Variants in TERB1 observed in about 807,000 individuals in gnomAD.
The protein encoded by TERB1 is telomere repeats-binding bouquet formation protein 1.
A neutral mutation model predicts 92.3 loss-of-function variants in TERB1; 63 were observed. The observed-to-expected ratio is 0.68, with a 90% confidence interval of 0.56 to 0.84. TERB1 has a LOEUF of 0.84. Among genes scored for constraint, TERB1 ranks in the 40% least tolerant of loss-of-function variants. TERB1 has a pLI of 0.00. For synonymous variants in TERB1, 252 were observed against 283.9 expected, an observed-to-expected ratio of 0.89 and a Z score of 1.13; for missense variants, 709 against 843.7, an observed-to-expected ratio of 0.84 and a Z score of 1.98.
At chr16:66,780,828 T>C (rs1467936489) in intron 9 of TERB1, among the ~76,000 whole-genome samples, 1 of 152,190 alleles carries the variant, frequency 6.6e-6, no homozygotes, top group Non-Finnish European at 1.5e-5. Flanking sequence ...GGAAATAGAT[T>C]CCAATTTTTT....
rs527426629 is a variant in TERB1, at chr16:66,796,717, A to C, written c.31+51T>G. 23 of 1,284,060 alleles carry C rather than the reference A, an allele frequency of 1.8e-5. No homozygotes were observed. In the South Asian group the frequency reaches 2.1e-4, roughly 12 times the overall value. The allele number at this position is 1,284,060 out of a possible 1,614,324, so 79.5% of individuals were successfully genotyped here. A position where few individuals can be genotyped will look rare whatever the true frequency, so the allele number is the denominator to read the frequency against. On this transcript the variant is annotated intron_variant, in intron 3 of 18. Coordinates refer to ENST00000433154, the MANE Select transcript of TERB1 (RefSeq NM_001136505.2). ...GATCCTGTCAGATAATCTACAGTAC[A>C]TCCTACCAATACAAAACTCATTGCA... is the stretch of plus-strand genomic sequence containing the variant.
At chr16:66,782,255 T>C (rs899118441) in intron 9 of TERB1, among the ~76,000 whole-genome samples, 8 of 152,128 alleles carry the variant, frequency 5.3e-5, no homozygotes, top group Non-Finnish European at 1.2e-4. Context: ...TTCCTTAATC[T>C]GTAAGTCTAC....
chr16:66,794,914 A>ACACACACACACACAC (rs1316374992), intron 3 of TERB1, among the ~76,000 whole-genome samples: 1,099 of 82,792 alleles, frequency 0.013, 14 homozygotes, highest in African/African-American at 0.031. Flanking sequence ...CGTCTCAAAA[A>ACACACACACACACAC]AAAAAAAAAC....
At chr16:66,759,085 T>C in intron 17 of TERB1, 56 bp downstream of exon 17, 1 of 1,349,436 alleles carries the variant, frequency 7.4e-7, no homozygotes. Flanking sequence ...ATGCTTTAGA[T>C]AATAGTTCAG....
intron 5 of TERB1, 124 bp from the exon 6 acceptor site, chr16:66,788,421 T>G: frequency 1.4e-6 from 1 of 711,620 alleles, no homozygotes; most frequent in Non-Finnish European, 2.1e-6. Context: ...TTAATTGATA[T>G]TTATTAGTCA....
In TERB1 at chr16:66,767,453, G is replaced by A. The variant is rs201027694; in HGVS notation, c.1742C>T (p.Thr581Ile). The A allele has an allele frequency of 3.3e-5, 51 of 1,527,976 alleles. No individual in the cohort carries two copies. The highest frequency in any genetic ancestry group is 4.3e-5 in the Non-Finnish European group (49 of 1,138,140). The allele number at this position is 1,527,976 out of a possible 1,614,324, so 94.7% of individuals were successfully genotyped here. A position where few individuals can be genotyped will look rare whatever the true frequency, so the allele number is the denominator to read the frequency against. The change falls in exon 16 of 19, where the codon ACT (threonine) becomes ATT (isoleucine). Residue 581 changes from threonine (T) to isoleucine (I), a missense_variant. Transcript: ENST00000433154. Reference sequence around the variant, plus strand: ...CGTCAACATTTCGGAACAACTGGGAGTTGCTAGAAAACTGACTACTTCTTT... The same window carrying A: ...CGTCAACATTTCGGAACAACTGGGAATTGCTAGAAAACTGACTACTTCTTT... ...INKEVVSFLATPSCSEMLTYR... is the reference protein window; with the variant it reads ...INKEVVSFLAIPSCSEMLTYR...
chr16:66,801,833 C>T (rs1276298466), upstream of TERB1, among the ~76,000 whole-genome samples: 2 of 152,240 alleles, frequency 1.3e-5, no homozygotes. Flanking sequence ...GGGGACTGTG[C>T]ACGCGGTTGA....
intron 11 of TERB1, 38 bp from the exon 12 acceptor site, chr16:66,775,281 A>G (rs1171689200): frequency 1.3e-6 from 2 of 1,514,120 alleles, no homozygotes; most frequent in Non-Finnish European, 1.8e-6. Flanking sequence ...GTTTTTTATC[A>G]TAAACTATCT....
At position 66,785,910 on chromosome 16, in the gene TERB1, T is replaced by C. The variant is rs1188855178; in HGVS notation, c.578-2A>G. On this transcript the variant is annotated splice_acceptor_variant, in intron 8 of 18. Coordinates refer to ENST00000433154, the MANE Select transcript of TERB1 (RefSeq NM_001136505.2). LOFTEE classifies it high-confidence loss of function. ...AACAGCAAAACATTTGATTCTCATC[T>C]GAAAGAAGACAAAGTCAATCATGAT... The C allele has an allele frequency of 6.5e-7, 1 of 1,540,732 alleles. No homozygotes were observed. Among genetic ancestry groups the C allele is most frequent in the African/African-American group, 1.4e-5 (1 of 72,878 alleles).
intron 16 of TERB1, among the ~76,000 whole-genome samples, chr16:66,765,649 G>C (rs1040402611): frequency 1.3e-5 from 2 of 151,114 alleles, no homozygotes; most frequent in African/African-American, 4.9e-5. Flanking sequence ...GTAGAGACGG[G>C]GTTTCACCGT....
At position 66,791,034 on chromosome 16, in the gene TERB1, T is replaced by C; in HGVS notation, c.32-15A>G. The C allele has an allele frequency of 7.1e-7, 1 of 1,403,680 alleles. No individual in the cohort carries two copies. Among genetic ancestry groups the C allele is most frequent in the Non-Finnish European group, 9.7e-7 (1 of 1,030,742 alleles). The allele number at this position is 1,403,680 out of a possible 1,614,324, so 87.0% of individuals were successfully genotyped here. A position where few individuals can be genotyped will look rare whatever the true frequency, so the allele number is the denominator to read the frequency against. ...AGTCTTCATTTCTAAAGAACAAAAA[T>C]GTCATTATTTTAAACCAAAAGGTTT... On this transcript the variant is annotated splice_polypyrimidine_tract_variant and intron_variant, in intron 3 of 18. Coordinates refer to ENST00000433154, the MANE Select transcript of TERB1 (RefSeq NM_001136505.2).
intron 10 of TERB1, among the ~76,000 whole-genome samples, chr16:66,777,804 A>C (rs956804627): frequency 4.6e-5 from 7 of 152,200 alleles, no homozygotes; most frequent in Non-Finnish European, 1.0e-4. Context: ...TACTGATGCA[A>C]TGAAGCATAT....
intron 16 of TERB1, among the ~76,000 whole-genome samples, chr16:66,762,882 T>C (rs747611017): frequency 5.3e-5 from 8 of 151,650 alleles, no homozygotes; most frequent in Admixed American, 1.3e-4. Flanking sequence ...CAGGTTTCAC[T>C]ATGTAGCCCA....
rs1447926214 is a variant in TERB1, at chr16:66,788,032, C to T, written c.400+137G>A. On this transcript the variant is annotated intron_variant, in intron 6 of 18. Coordinates refer to ENST00000433154, the MANE Select transcript of TERB1 (RefSeq NM_001136505.2). ...GCCAAGATCATGCCACTGCACTCCA[C>T]CTTGGGTGTCAGAGCAAGACTCTGT... is the stretch of plus-strand genomic sequence containing the variant. The T allele has an allele frequency of 8.4e-6, 5 of 593,656 alleles. No individual in the cohort carries two copies. In the Admixed American group the frequency reaches 1.4e-4, roughly 16 times the overall value. 36.8% of individuals were successfully genotyped at this position (593,656 alleles called of 1,614,324 possible).
At chr16:66,779,467 G>A (rs1209918732) in intron 9 of TERB1, among the ~76,000 whole-genome samples, 1 of 152,024 alleles carries the variant, frequency 6.6e-6, no homozygotes, top group Non-Finnish European at 1.5e-5. Flanking sequence ...GTGTGGTGGT[G>A]CATGCCTATA....
intron 12 of TERB1, among the ~76,000 whole-genome samples, chr16:66,773,885 T>A (rs1012229098): frequency 2.8e-5 from 4 of 145,406 alleles, no homozygotes; most frequent in African/African-American, 1.0e-4. Context: ...AAACTCAAAC[T>A]TTTTTTTTTT....
At position 66,768,185 on chromosome 16, in the gene TERB1, A is replaced by G. The variant is rs1384668428; in HGVS notation, c.1620-17T>C. ...ACATGGTCACTAAAAGAAAATAGAC[A>G]CCAGATTACTAAAAGTAAACATACT... On this transcript the variant is annotated splice_polypyrimidine_tract_variant and intron_variant, in intron 14 of 18. Coordinates refer to ENST00000433154, the MANE Select transcript of TERB1 (RefSeq NM_001136505.2). The G allele has an allele frequency of 2.0e-6, 3 of 1,515,062 alleles. No homozygotes were observed. The highest frequency in any genetic ancestry group is 2.7e-6 in the Non-Finnish European group (3 of 1,114,480). The allele number at this position is 1,515,062 out of a possible 1,614,324, so 93.9% of individuals were successfully genotyped here.
intron 9 of TERB1, among the ~76,000 whole-genome samples, chr16:66,783,993 T>C (rs147036568): frequency 3.9e-4 from 59 of 152,368 alleles, no homozygotes; most frequent in Admixed American, 1.1e-3. Flanking sequence ...TGGTAGTTTG[T>C]ATCTTTCAAA....
At chr16:66,793,807 C>G (rs984292109) in intron 3 of TERB1, among the ~76,000 whole-genome samples, 1 of 152,150 alleles carries the variant, frequency 6.6e-6, no homozygotes, top group African/African-American at 2.4e-5. Context: ...GCCACCACGC[C>G]CGGCCATAGT....
Sources: allele counts gnomAD v4.1 joint callset (sites outside exome capture counted in the v4.1 genomes callset), GRCh38; gene constraint gnomAD v4.1.1; transcripts MANE v1.5; gene names NCBI Gene and HGNC (gene_info 2026-07-23, HGNC 2026-07-21).